The following MEF2C variants were observed in gnomAD, a reference collection of about 807,000 sequenced individuals.
MEF2C encodes myocyte-specific enhancer factor 2C.
Under a neutral mutation model 50.5 loss-of-function variants are expected in MEF2C, and 6 were observed. That is an observed-to-expected ratio of 0.12 (90% CI 0.07 to 0.23). The LOEUF is 0.23. Ranked by LOEUF, MEF2C falls within the 10% of genes least tolerant of loss-of-function variation. MEF2C has a pLI of 1.00. For missense variants in MEF2C, 276 were observed against 605.0 expected (o/e 0.46, Z 5.70); for synonymous variants, 183 against 228.0 (o/e 0.80, Z 1.78).
At chr5:88,884,191 G>C (rs1490694092), upstream of MEF2C, 44 of 152,240 alleles carry the variant, frequency 2.9e-4, no homozygotes, top group Non-Finnish European at 1.5e-5. Flanking sequence ...CAGCAGGAAA[G>C]TCCTTCTAAA....
intron 6 of MEF2C, among the ~76,000 whole-genome samples, chr5:88,748,424 A>C (rs1167750268): frequency 6.6e-6 from 1 of 152,220 alleles, no homozygotes; most frequent in Non-Finnish European, 1.5e-5. Context: ...CTCTGCATTG[A>C]AAATGACATC....
intron 9 of MEF2C, 39 bp downstream of exon 9, chr5:88,729,179 G>T (rs1384141386): frequency 8.7e-6 from 14 of 1,610,004 alleles, no homozygotes; most frequent in Admixed American, 1.7e-5. Flanking sequence ...TCAATAAAAA[G>T]TATTTAGTGT....
intron 4 of MEF2C, among the ~76,000 whole-genome samples, chr5:88,753,792 T>C (rs190910674): frequency 6.6e-6 from 1 of 152,212 alleles, no homozygotes; most frequent in Non-Finnish European, 1.5e-5. Flanking sequence ...GGGAAATAAT[T>C]TTTGGATAGA....
intron 3 of MEF2C, among the ~76,000 whole-genome samples, chr5:88,803,179 G>A (rs555902036): frequency 7.9e-5 from 12 of 152,252 alleles, no homozygotes; most frequent in African/African-American, 2.9e-4. Flanking sequence ...TCAAGATCAA[G>A]GCAAGCACAC....
chr5:88,856,757 C>T (rs11749060), intron 1 of MEF2C, among the ~76,000 whole-genome samples: 1 of 152,046 alleles, frequency 6.6e-6, no homozygotes, highest in Non-Finnish European at 1.5e-5. Flanking sequence ...GAAGTCAGGA[C>T]GTGAGGTTTG....
chr5:88,903,790 TG>T (rs1381670490), intron 1 of MEF2C: 1 of 152,028 alleles, frequency 6.6e-6, no homozygotes, highest in Non-Finnish European at 1.5e-5. Flanking sequence ...CACTGTTGAG[TG>T]AGTTGGCTCT....
rs958510113 is a variant in MEF2C at position 88,717,480 on chromosome 5, CAT to C, written c.*5122_*5123del. 19 of 152,200 alleles carry C rather than the reference CAT, an allele frequency of 1.2e-4. No individual in the cohort carries two copies. The highest frequency in any genetic ancestry group is 4.1e-4 in the South Asian group (2 of 4,832). The allele number at this position is 152,200 out of a possible 1,614,324, so 9.4% of individuals were successfully genotyped here. On this transcript the variant is annotated 3_prime_UTR_variant, in exon 11 of 11. Transcript: ENST00000504921. Reference sequence around the variant, plus strand: ...AACTTCATTCATCCTGGAATCACCACATGAGTTACATATAATAATTGCTTAAT... The same window carrying C: ...AACTTCATTCATCCTGGAATCACCACGAGTTACATATAATAATTGCTTAAT...
chr5:88,849,668 G>A (rs375471293), intron 1 of MEF2C, among the ~76,000 whole-genome samples: 5 of 151,968 alleles, frequency 3.3e-5, no homozygotes, highest in South Asian at 2.1e-4. Context: ...TCAATATTTC[G>A]AAATGCAGAA....
intron 6 of MEF2C, chr5:88,742,889 G>A: frequency 1.2e-6 from 1 of 817,114 alleles, no homozygotes; most frequent in Non-Finnish European, 1.5e-6. Flanking sequence ...TGAGGACTAG[G>A]TTTTTTTTTT....
upstream of MEF2C, chr5:88,888,025 T>G (rs956952576): frequency 5.3e-5 from 8 of 152,238 alleles, no homozygotes; most frequent in Non-Finnish European, 1.0e-4. Flanking sequence ...CTAACACAAT[T>G]TGTCAAATCG....
chr5:88,894,787 A>T (rs10066711), intron 1 of MEF2C, among the ~76,000 whole-genome samples: 79,111 of 151,716 alleles, frequency 0.52, 20,741 homozygotes, highest in Admixed American at 0.55. Context: ...GTATTTTTTT[A>T]AAAAAGTCAT....
intron 3 of MEF2C, among the ~76,000 whole-genome samples, chr5:88,792,676 C>T (rs1794320244): frequency 6.6e-6 from 1 of 152,120 alleles, no homozygotes; most frequent in African/African-American, 2.4e-5. Flanking sequence ...CTACTGAATG[C>T]TTGAAACATG....
chr5:88,750,635 G>T (rs1772286877), intron 5 of MEF2C, among the ~76,000 whole-genome samples: 1 of 152,178 alleles, frequency 6.6e-6, no homozygotes, highest in South Asian at 2.1e-4. Context: ...AGTATGATCT[G>T]AAAGGAATAC....
intron 1 of MEF2C, among the ~76,000 whole-genome samples, chr5:88,830,790 C>T (rs1181012841): frequency 1.3e-5 from 2 of 152,050 alleles, no homozygotes; most frequent in Non-Finnish European, 2.9e-5. Context: ...GTAGGGCTCA[C>T]CACAAAGGTA....
At chr5:88,867,465 C>A (rs1827770176) in intron 1 of MEF2C, among the ~76,000 whole-genome samples, 1 of 152,010 alleles carries the variant, frequency 6.6e-6, no homozygotes, top group Admixed American at 6.6e-5. Context: ...TCTATATAAT[C>A]GGGATAGTAA....
At chr5:88,889,406 C>T (rs1429959555) in intron 1 of MEF2C, 1 of 152,556 alleles carries the variant, frequency 6.6e-6, no homozygotes, top group Non-Finnish European at 1.4e-5. Flanking sequence ...CCCCTTTTCT[C>T]CCGGCCGACG....
rs190463774 is a variant in MEF2C at position 88,720,993 on chromosome 5, G to A, written c.*1611C>T. 33 of 152,596 alleles carry A rather than the reference G, an allele frequency of 2.2e-4. No individual in the cohort carries two copies. The highest frequency in any genetic ancestry group is 6.3e-4 in the African/African-American group (26 of 41,532). The allele number at this position is 152,596 out of a possible 1,614,324, so 9.5% of individuals were successfully genotyped here. A position where few individuals can be genotyped will look rare whatever the true frequency, so the allele number is the denominator to read the frequency against. ...AGGGTCAGTTAAAATAATTAAAAAC[G>A]GATGACAAAGCAACTATCCCTTTAC... On this transcript the variant is annotated 3_prime_UTR_variant, in exon 11 of 11. Coordinates refer to ENST00000504921, the MANE Select transcript of MEF2C (RefSeq NM_002397.5).
At chr5:88,815,177 C>T (rs1045080641) in intron 2 of MEF2C, among the ~76,000 whole-genome samples, 6 of 152,042 alleles carry the variant, frequency 3.9e-5, no homozygotes, top group African/African-American at 1.4e-4. Context: ...TTTACTAGTT[C>T]AACAAAGCCA....
chr5:88,880,060 A>G (rs974496247), intron 1 of MEF2C, among the ~76,000 whole-genome samples: 6 of 152,054 alleles, frequency 3.9e-5, no homozygotes, highest in African/African-American at 7.2e-5. Context: ...CCACGCGCCT[A>G]TAAGATTAAG....
Sources: allele counts gnomAD v4.1 joint callset (sites outside exome capture counted in the v4.1 genomes callset), GRCh38; gene constraint gnomAD v4.1.1; transcripts MANE v1.5; gene names NCBI Gene and HGNC (gene_info 2026-07-23, HGNC 2026-07-21).